The following TRAM1 variants were observed in gnomAD, a reference collection of about 807,000 sequenced individuals.
TRAM1 encodes the protein translocation associated membrane protein 1, also known as translocating chain-associated membrane protein 1.
Under a neutral mutation model 48.7 loss-of-function variants are expected in TRAM1, and 17 were observed. That is an observed-to-expected ratio of 0.35 (90% CI 0.24 to 0.52). The LOEUF (loss-of-function observed/expected upper bound fraction) is 0.52. Among genes scored for constraint, TRAM1 ranks in the 20% least tolerant of loss-of-function variants. The probability of loss-of-function intolerance (pLI) is 0.94; values close to 1 mark genes in which losing one functional copy is unlikely to be tolerated. For synonymous variants in TRAM1, 182 were observed against 154.0 expected, an observed-to-expected ratio of 1.18 and a Z score of -1.34; for missense variants, 351 against 441.5, an observed-to-expected ratio of 0.79 and a Z score of 1.84.
intron 2 of TRAM1, among the ~76,000 whole-genome samples, chr8:70,599,215 G>A (rs960924731): frequency 4.6e-5 from 7 of 152,224 alleles, no homozygotes; most frequent in Middle Eastern, 6.8e-3. Context: ...CTACGATCAC[G>A]CCACAGCACT....
chr8:70,604,823 T>C (rs1817686179), intron 1 of TRAM1, among the ~76,000 whole-genome samples: 1 of 152,164 alleles, frequency 6.6e-6, no homozygotes, highest in Non-Finnish European at 1.5e-5. Flanking sequence ...GAAATACTTC[T>C]CTTGTGAACC....
intron 6 of TRAM1, among the ~76,000 whole-genome samples, chr8:70,589,052 T>G (rs1005186638): frequency 2.0e-5 from 3 of 152,158 alleles, no homozygotes; most frequent in Admixed American, 1.3e-4. Context: ...ACCAAATCTT[T>G]TGAGGAGTAG....
At chr8:70,586,235 G>C (rs973055335) in intron 8 of TRAM1, among the ~76,000 whole-genome samples, 8 of 125,954 alleles carry the variant, frequency 6.4e-5, no homozygotes. Context: ...AGAACACATC[G>C]ACACAGGAGG....
chr8:70,598,186 T>C lies in TRAM1; in HGVS notation c.257A>G (p.Tyr86Cys). 1.2e-6 allele frequency: 2 copies of C among 1,613,504 alleles called. No individual in the cohort carries two copies. Among genetic ancestry groups the C allele is most frequent in the Non-Finnish European group, 1.7e-6 (2 of 1,179,718 alleles). Residue 86 changes from tyrosine (Y) to cysteine (C), a missense_variant, in exon 3 of 11, where the codon TAC becomes TGC. Physicochemically the swap from Tyr to Cys is radical, Grantham distance 194. Coordinates refer to ENST00000262213, the MANE Select transcript of TRAM1 (RefSeq NM_014294.6). Reference protein sequence around the residue: ...GIKDLATVFFYMLVAIIIHAV... With the variant: ...GIKDLATVFFCMLVAIIIHAV... ...ATGAATAATTATCGCCACTAGCATG[T>C]AGAAGAAAACAGTAGCCAAATCTTT...
intron 5 of TRAM1, among the ~76,000 whole-genome samples, chr8:70,595,022 AT>A (rs1471897872): frequency 7.0e-6 from 1 of 142,736 alleles, no homozygotes; most frequent in Non-Finnish European, 1.5e-5. Flanking sequence ...AATAATCCCA[AT>A]TTCAAATATC....
chr8:70,590,871 T>C (rs2132035028), intron 6 of TRAM1, among the ~76,000 whole-genome samples: 1 of 152,334 alleles, frequency 6.6e-6, no homozygotes, highest in East Asian at 1.9e-4. Context: ...AAGCAGTGTT[T>C]GTACACTCAA....
At chr8:70,606,009 T>A (rs1183212262) in intron 1 of TRAM1, among the ~76,000 whole-genome samples, 1 of 152,212 alleles carries the variant, frequency 6.6e-6, no homozygotes, top group Non-Finnish European at 1.5e-5. Context: ...GCACTGCAAA[T>A]ATACCTTGCA....
At chr8:70,601,165 A>T (rs917846349) in intron 1 of TRAM1, among the ~76,000 whole-genome samples, 2 of 152,094 alleles carry the variant, frequency 1.3e-5, no homozygotes, top group Non-Finnish European at 2.9e-5. Flanking sequence ...TATTGCAACT[A>T]GAATGATTTT....
chr8:70,593,135 A>G (rs1302698049), intron 6 of TRAM1, among the ~76,000 whole-genome samples: 1 of 152,222 alleles, frequency 6.6e-6, no homozygotes, highest in African/African-American at 2.4e-5. Context: ...AATCTACTTT[A>G]TAAAAGAAAT....
chr8:70,581,592 C>T (rs745705309), intron 10 of TRAM1, among the ~76,000 whole-genome samples: 1 of 152,054 alleles, frequency 6.6e-6, no homozygotes, highest in Admixed American at 6.5e-5. Flanking sequence ...CCGCATGACT[C>T]GGAAATCCCA....
chr8:70,578,721 G>A, intron 10 of TRAM1, among the ~76,000 whole-genome samples: 1 of 152,162 alleles, frequency 6.6e-6, no homozygotes, highest in East Asian at 1.9e-4. Context: ...TTACACAAAG[G>A]ACAAATCTGC....
chr8:70,597,903 G>A lies in TRAM1; in HGVS notation c.418C>T (p.Leu140Phe), dbSNP rs1268943037. ...TAAGAGGACATACTTACAGAGATGA[G>A]AATGAATGTGCCCCAAACACAGGCA... ...LFACVWGTFI[L>F]ISENYISDPT... is the part of the protein sequence containing the mutation. The change falls in exon 4 of 11, where the codon CTC becomes TTC. Residue 140 changes from leucine (L) to phenylalanine (F), a missense_variant. Transcript: ENST00000262213. 3.1e-6 allele frequency: 5 copies of A among 1,594,974 alleles called. No individual in the cohort carries two copies. The Admixed American group carries it at 5.1e-5, about 16-fold the overall frequency.
intron 6 of TRAM1, among the ~76,000 whole-genome samples, chr8:70,591,574 CTGTT>C (rs1205020486): frequency 6.6e-6 from 1 of 152,090 alleles, no homozygotes; most frequent in Admixed American, 6.5e-5. Flanking sequence ...ATTCCAACAT[CTGTT>C]TATTAAAAAA....
chr8:70,574,141 C>T lies in TRAM1; in HGVS notation c.*791G>A. The T allele has an allele frequency of 6.0e-6, 2 of 335,398 alleles. No homozygotes were observed. The highest frequency in any genetic ancestry group is 2.4e-5 in the South Asian group (1 of 42,396). 20.8% of individuals were successfully genotyped at this position (335,398 alleles called of 1,614,324 possible). On this transcript the variant is annotated 3_prime_UTR_variant, in exon 11 of 11. Coordinates refer to ENST00000262213, the MANE Select transcript of TRAM1 (RefSeq NM_014294.6). ...CTGTGCATATTAAACTTATTATGAG[C>T]CCCATTAAGAATCATTATTAATAAA... is the stretch of plus-strand genomic sequence containing the variant.
At chr8:70,593,089 C>T (rs905274795) in intron 6 of TRAM1, among the ~76,000 whole-genome samples, 2 of 152,106 alleles carry the variant, frequency 1.3e-5, no homozygotes, top group Non-Finnish European at 2.9e-5. Context: ...AATAAAAGGT[C>T]TTCATCCTAT....
Position 70,583,680 on chromosome 8 carries a change from C to G in TRAM1, c.860G>C (p.Ser287Thr). 1 of 1,612,960 alleles carries G rather than the reference C, an allele frequency of 6.2e-7. No homozygotes were observed. The highest frequency in any genetic ancestry group is 8.5e-7 in the Non-Finnish European group (1 of 1,179,668). ...ARAENQKLDFSTGNFNVLAVR... is the reference protein window; with the variant it reads ...ARAENQKLDFTTGNFNVLAVR... ...AGCTAACACATTGAAGTTTCCAGTA[C>G]TGAAATCCAGCTTCTGATTTTCTGC... Residue 287 changes from serine to threonine, a missense_variant, in exon 9 of 11, where the codon AGT becomes ACT. By Grantham distance (58) the Ser-to-Thr change is moderately conservative (BLOSUM62 1). Transcript: ENST00000262213.
At chr8:70,575,105 C>T in intron 10 of TRAM1, 100 bp from the exon 11 acceptor site, 1 of 827,750 alleles carries the variant, frequency 1.2e-6, no homozygotes. Context: ...ATGTAAAATC[C>T]AATTCACTCA....
chr8:70,573,287 T>C lies in TRAM1; in HGVS notation c.*1645A>G, dbSNP rs1389380581. Among the ~76,000 whole-genome samples, 1 of 152,176 alleles carries C rather than the reference T, an allele frequency of 6.6e-6. No homozygotes were observed. The highest frequency in any genetic ancestry group is 1.5e-5 in the Non-Finnish European group (1 of 68,022). On this transcript the variant is annotated 3_prime_UTR_variant, in exon 11 of 11. Coordinates refer to ENST00000262213, the MANE Select transcript of TRAM1 (RefSeq NM_014294.6). ...CTATCCCCCCAGTAGTCCTCACCAA[T>C]ATTCTGTGGAACAAATCTGTTTATT... is the stretch of plus-strand genomic sequence containing the variant.
rs78174888 is a variant in TRAM1 at position 70,595,300 on chromosome 8, T to C, written c.486-710A>G. Among the ~76,000 whole-genome samples, 201 of 152,178 alleles carry C rather than the reference T, an allele frequency of 1.3e-3. 1 individual carries two copies. Among genetic ancestry groups the C allele is most frequent in the East Asian group, 3.7e-3 (19 of 5,170 alleles). ...AATAGAAAACACAAAGCCAACCTAA[T>C]TTCTTGGTGGTCGGGGTGGAGAGAA... On this transcript the variant is annotated intron_variant, in intron 5 of 10. Coordinates refer to ENST00000262213, the MANE Select transcript of TRAM1 (RefSeq NM_014294.6).
Sources: gnomAD v4.1 joint callset for allele counts (sites outside exome capture counted in the v4.1 genomes callset) on GRCh38, gnomAD v4.1.1 for gene constraint, MANE v1.5 for transcripts, NCBI Gene and HGNC (gene_info 2026-07-23, HGNC 2026-07-21) for gene names.